ERGIC1: variants seen among roughly 807,000 people sequenced by gnomAD.
ERGIC1 encodes endoplasmic reticulum-Golgi intermediate compartment protein 1.
ERGIC1 carries 19 observed loss-of-function variants against 38.3 expected under a neutral mutation model. The ratio of observed to expected loss-of-function variants is 0.50; its 90% CI spans 0.35 to 0.73. The LOEUF (loss-of-function observed/expected upper bound fraction) is 0.73, where lower values mean the gene tolerates loss of function less well. ERGIC1 is among the 30% of genes least tolerant of loss of function. The probability of loss-of-function intolerance (pLI) is 0.01; values close to 1 mark genes in which losing one functional copy is unlikely to be tolerated. For missense variants in ERGIC1, 294 were observed against 389.2 expected, an observed-to-expected ratio of 0.76 and a Z score of 2.06; for synonymous variants, 124 against 157.6, an observed-to-expected ratio of 0.79 and a Z score of 1.60.
At chr5:172,856,423 G>A (rs1210849321) in intron 1 of ERGIC1, among the ~76,000 whole-genome samples, 2 of 151,252 alleles carry the variant, frequency 1.3e-5, no homozygotes, top group Non-Finnish European at 3.0e-5. Context: ...GAATCAGGGT[G>A]CTTCCTGGAG....
At chr5:172,879,923 G>A (rs1042399554) in intron 1 of ERGIC1, among the ~76,000 whole-genome samples, 5 of 152,312 alleles carry the variant, frequency 3.3e-5, no homozygotes, top group East Asian at 1.9e-4. Flanking sequence ...CACACCCAGC[G>A]ACGGCCCAAA....
intron 1 of ERGIC1, among the ~76,000 whole-genome samples, chr5:172,862,172 G>A (rs1761720752): frequency 6.6e-6 from 1 of 151,166 alleles, no homozygotes. Context: ...TATATTTTTA[G>A]TAGAGACAGG....
intron 2 of ERGIC1, among the ~76,000 whole-genome samples, chr5:172,890,442 C>T (rs1355369246): frequency 6.6e-6 from 1 of 152,152 alleles, no homozygotes; most frequent in East Asian, 1.9e-4. Context: ...AGTCCGTAGC[C>T]AAGTTCATGG....
At chr5:172,904,892 G>A (rs1489528306) in intron 3 of ERGIC1, among the ~76,000 whole-genome samples, 1 of 152,210 alleles carries the variant, frequency 6.6e-6, no homozygotes, top group Non-Finnish European at 1.5e-5. Context: ...GCCAGTTCTG[G>A]CCTTACATAA....
intron 1 of ERGIC1, among the ~76,000 whole-genome samples, chr5:172,849,718 C>G (rs1197781833): frequency 6.6e-6 from 1 of 152,172 alleles, no homozygotes; most frequent in Non-Finnish European, 1.5e-5. Flanking sequence ...CACATACCCC[C>G]AATGACAGCA....
chr5:172,914,599 C>A, intron 4 of ERGIC1, 115 bp from the exon 5 acceptor site: 2 of 1,574,198 alleles, frequency 1.3e-6, no homozygotes, highest in Non-Finnish European at 1.7e-6. Flanking sequence ...CCTGGAGGTC[C>A]CCAGCCCGGC....
chr5:172,905,702 C>T (rs986959631), intron 3 of ERGIC1, among the ~76,000 whole-genome samples: 3 of 151,730 alleles, frequency 2.0e-5, no homozygotes, highest in African/African-American at 4.8e-5. Flanking sequence ...GTGACGACTG[C>T]GATCAGCACC....
intron 1 of ERGIC1, among the ~76,000 whole-genome samples, chr5:172,872,153 G>T (rs1354312677): frequency 3.3e-5 from 5 of 151,974 alleles, no homozygotes; most frequent in Non-Finnish European, 7.4e-5. Flanking sequence ...AGTAACCTCG[G>T]GCCTCAGGGG....
At chr5:172,945,185 T>C (rs1764094710) in intron 9 of ERGIC1, among the ~76,000 whole-genome samples, 1 of 152,198 alleles carries the variant, frequency 6.6e-6, no homozygotes, top group South Asian at 2.1e-4. Context: ...GGCCAAAGGA[T>C]GGAACCCACC....
intron 9 of ERGIC1, among the ~76,000 whole-genome samples, chr5:172,946,409 C>T (rs1202520471): frequency 6.6e-6 from 1 of 152,220 alleles, no homozygotes; most frequent in Non-Finnish European, 1.5e-5. Context: ...TTCCTGAGAT[C>T]CCGCCAGCAT....
chr5:172,913,834 T>C (rs572184363), intron 4 of ERGIC1, among the ~76,000 whole-genome samples: 1 of 152,288 alleles, frequency 6.6e-6, no homozygotes, highest in South Asian at 2.1e-4. Context: ...GTGCTTATCA[T>C]AGGGCTGGTA....
intron 5 of ERGIC1, among the ~76,000 whole-genome samples, chr5:172,919,367 A>AC (rs1763454085): frequency 6.6e-6 from 1 of 151,994 alleles, no homozygotes; most frequent in Non-Finnish European, 1.5e-5. Context: ...AAATATATGT[A>AC]CCCCAGATGG....
At chr5:172,915,079 G>C in intron 5 of ERGIC1, 1 of 720,032 alleles carries the variant, frequency 1.4e-6, no homozygotes, top group Non-Finnish European at 2.5e-6. Flanking sequence ...TCTCCAGTGA[G>C]GGGGACAATG....
chr5:172,840,740 A>G (rs1234012720), intron 1 of ERGIC1, among the ~76,000 whole-genome samples: 1 of 152,246 alleles, frequency 6.6e-6, no homozygotes, highest in Non-Finnish European at 1.5e-5. Flanking sequence ...TTCAAAGTGC[A>G]GTCCCAGATG....
chr5:172,911,145 G>A (rs960344461), intron 4 of ERGIC1, among the ~76,000 whole-genome samples: 1 of 152,088 alleles, frequency 6.6e-6, no homozygotes, highest in South Asian at 2.1e-4. Context: ...AAAGGACACA[G>A]CTGAGAGAAC....
At chr5:172,894,440 C>T (rs562498997) in intron 2 of ERGIC1, among the ~76,000 whole-genome samples, 3 of 151,826 alleles carry the variant, frequency 2.0e-5, no homozygotes, top group East Asian at 1.9e-4. Flanking sequence ...GTGATCCGCC[C>T]GCCTCGGCCT....
chr5:172,841,534 A>G (rs1259905069), intron 1 of ERGIC1, among the ~76,000 whole-genome samples: 1 of 152,258 alleles, frequency 6.6e-6, no homozygotes, highest in African/African-American at 2.4e-5. Context: ...TTTCTCCAAA[A>G]GGTGGAAACC....
chr5:172,854,601 GT>G (rs1022347214), intron 1 of ERGIC1, among the ~76,000 whole-genome samples: 4 of 152,248 alleles, frequency 2.6e-5, no homozygotes, highest in African/African-American at 9.6e-5. Flanking sequence ...CCCGGTGTGG[GT>G]GAGTGTGGGT....
chr5:172,894,046 ATTTTT>A (rs1308701459), intron 2 of ERGIC1, among the ~76,000 whole-genome samples: 1 of 100,372 alleles, frequency 1.0e-5, no homozygotes, highest in South Asian at 3.3e-4. Flanking sequence ...ATACAGCTGG[ATTTTT>A]TTTTTTTTAT....
Sources: allele counts gnomAD v4.1 joint callset (sites outside exome capture counted in the v4.1 genomes callset), GRCh38; gene constraint gnomAD v4.1.1; transcripts MANE v1.5; gene names NCBI Gene and HGNC (gene_info 2026-07-23, HGNC 2026-07-21).